The following ASMTL variants were observed in gnomAD, a reference collection of about 807,000 sequenced individuals.
The protein encoded by ASMTL is probable bifunctional dTTP/UTP pyrophosphatase/methyltransferase protein.
A neutral mutation model predicts 60.3 loss-of-function variants in ASMTL; 57 were observed. The ratio of observed to expected loss-of-function variants is 0.95; its 90% CI spans 0.76 to 1.18. ASMTL has a LOEUF of 1.18. ASMTL is among the 50% of genes most tolerant of loss of function. The probability of loss-of-function intolerance (pLI) is 0.00; values close to 1 mark genes in which losing one functional copy is unlikely to be tolerated. For missense variants in ASMTL, 981 were observed against 852.6 expected, an observed-to-expected ratio of 1.15 and a Z score of -1.88; for synonymous variants, 419 against 373.0, an observed-to-expected ratio of 1.12 and a Z score of -1.42.
Position 1,421,778 on chromosome X carries a change from G to A in ASMTL, c.1125C>T (p.Gly375=). ...TGAGGTCATTATTGTGCATGATGAA[G>A]CCGTGCAGAGAGTATTCGCCATCCG... ...LASDGEYSLH[G]FIMHNNDLTW... is the part of the protein sequence containing the mutation. Residue 375 remains glycine, a synonymous_variant, in exon 9 of 13, where the codon GGC becomes GGT. Transcript: ENST00000381317. 1.2e-6 allele frequency: 2 copies of A among 1,613,860 alleles called. No homozygotes were observed. The highest frequency in any genetic ancestry group is 1.7e-6 in the Non-Finnish European group (2 of 1,179,844).
chrX:1,438,357 G>C (rs2091025841), intron 3 of ASMTL, among the ~76,000 whole-genome samples: 1 of 152,070 alleles, frequency 6.6e-6, no homozygotes, highest in African/African-American at 2.4e-5. Context: ...TGGAGGCACA[G>C]ATAGGAACCA....
intron 9 of ASMTL, among the ~76,000 whole-genome samples, chrX:1,420,039 G>GGCTCTA (rs2090434388): frequency 1.6e-5 from 1 of 63,754 alleles, no homozygotes; most frequent in Non-Finnish European, 4.5e-5. Context: ...CTCTGTCTCT[G>GGCTCTA]TCTCTATGTC....
chrX:1,407,116 G>A (rs1270943072), intron 12 of ASMTL, among the ~76,000 whole-genome samples: 2 of 149,278 alleles, frequency 1.3e-5, no homozygotes, highest in Non-Finnish European at 3.0e-5. Context: ...TGGGTAGATG[G>A]ATGGATGGAT....
chrX:1,435,901 C>T lies in ASMTL; in HGVS notation c.274-143G>A, dbSNP rs369245394. On this transcript the variant is annotated intron_variant, in intron 3 of 12. Transcript: ENST00000381317. Reference sequence around the variant, plus strand: ...GAGAGTCGCCATTTCAAACAACTAACCAGAGTTGCCATGTTGTACCACCAC... The same window carrying T: ...GAGAGTCGCCATTTCAAACAACTAATCAGAGTTGCCATGTTGTACCACCAC... The T allele has an allele frequency of 7.6e-4, 551 of 729,532 alleles. 9 individuals are homozygous for T. In the South Asian group the frequency reaches 8.1e-3, roughly 11 times the overall value. The allele number at this position is 729,532 out of a possible 1,614,324, so 45.2% of individuals were successfully genotyped here. A position where few individuals can be genotyped will look rare whatever the true frequency, so the allele number is the denominator to read the frequency against.
At chrX:1,416,752 C>G (rs1167735897) in intron 11 of ASMTL, among the ~76,000 whole-genome samples, 1 of 128,798 alleles carries the variant, frequency 7.8e-6, no homozygotes, top group East Asian at 2.4e-4. Context: ...CAGTCATGCA[C>G]ACACAGACAC....
At chrX:1,427,152 G>T (rs1314953060) in intron 7 of ASMTL, among the ~76,000 whole-genome samples, 1 of 152,094 alleles carries the variant, frequency 6.6e-6, no homozygotes, top group Non-Finnish European at 1.5e-5. Context: ...AGAGGAGAAG[G>T]CCACGTGGAG....
At position 1,416,305 on chromosome X, in the gene ASMTL, A is replaced by T. The variant is rs1390337751; in HGVS notation, c.1522+1668T>A. Reference sequence around the variant, plus strand: ...CAGACAGGCACGCACACAGACGCAGACATGCACAGCTGGACACACACACAC... The same window carrying T: ...CAGACAGGCACGCACACAGACGCAGTCATGCACAGCTGGACACACACACAC... On this transcript the variant is annotated intron_variant, in intron 11 of 12. Transcript: ENST00000381317. Among the ~76,000 whole-genome samples, 28 of 146,386 alleles carry T rather than the reference A, an allele frequency of 1.9e-4. No homozygotes were observed. The Admixed American group carries it at 1.9e-3, about 10-fold the overall frequency.
chrX:1,442,906 A>T (rs5989736), intron 1 of ASMTL, among the ~76,000 whole-genome samples: 149,462 of 152,210 alleles, frequency 0.98, 73,437 homozygotes, highest in Middle Eastern at 1. Flanking sequence ...CCAGTGGGGG[A>T]GCCCCTGGCT....
intron 2 of ASMTL, 96 bp from the exon 3 acceptor site, chrX:1,439,240 G>T (rs1471028279): frequency 7.7e-7 from 1 of 1,303,816 alleles, no homozygotes; most frequent in Non-Finnish European, 1.1e-6. Context: ...CACCGCAGGG[G>T]CGAAGCCAGG....
intron 12 of ASMTL, among the ~76,000 whole-genome samples, chrX:1,407,109 GTAGA>G (rs1263106246): frequency 2.1e-5 from 3 of 145,212 alleles, no homozygotes; most frequent in South Asian, 4.4e-4. Context: ...TAGATGATGG[GTAGA>G]TGGATGGATG....
chrX:1,430,840 A>T (rs2090751128), intron 6 of ASMTL, among the ~76,000 whole-genome samples: 1 of 146,240 alleles, frequency 6.8e-6, no homozygotes, highest in Non-Finnish European at 1.5e-5. Flanking sequence ...ATGTATTTAT[A>T]TACATATATT....
intron 2 of ASMTL, chrX:1,441,978 C>T: frequency 1.7e-6 from 1 of 590,428 alleles, no homozygotes; most frequent in South Asian, 2.3e-5. Context: ...CACACAGTAA[C>T]AGATAAGCTC....
intron 11 of ASMTL, among the ~76,000 whole-genome samples, chrX:1,415,815 GAC>G (rs2090223947): frequency 6.6e-6 from 1 of 152,162 alleles, no homozygotes; most frequent in South Asian, 2.1e-4. Context: ...CCCGCAGAGA[GAC>G]ACGCACAGGC....
chrX:1,420,738 G>C (rs1311651100), intron 9 of ASMTL, among the ~76,000 whole-genome samples: 1 of 152,248 alleles, frequency 6.6e-6, no homozygotes, highest in Non-Finnish European at 1.5e-5. Flanking sequence ...GCAAGTGTCA[G>C]TTCCATTGAA....
chrX:1,412,877 T>TA, intron 11 of ASMTL, 23 bp from the exon 12 acceptor site: 4 of 1,612,822 alleles, frequency 2.5e-6, no homozygotes, highest in Non-Finnish European at 3.4e-6. Context: ...CAAAACGAGA[T>TA]ACGTCCGTCA....
chrX:1,442,818 C>A (rs765102063), intron 1 of ASMTL, among the ~76,000 whole-genome samples: 1 of 152,124 alleles, frequency 6.6e-6, no homozygotes, highest in Non-Finnish European at 1.5e-5. Flanking sequence ...GAGACAACAC[C>A]GCCCCTGGGG....
chrX:1,434,566 G>C (rs1603451454), intron 5 of ASMTL, among the ~76,000 whole-genome samples: 1 of 151,274 alleles, frequency 6.6e-6, no homozygotes, highest in Non-Finnish European at 1.5e-5. Flanking sequence ...CACTTTGGGA[G>C]GCTGAGGCGG....
intron 11 of ASMTL, among the ~76,000 whole-genome samples, chrX:1,415,407 CTGA>C (rs778724277): frequency 0.055 from 8,324 of 152,046 alleles, 790 homozygotes; most frequent in African/African-American, 0.19. Context: ...GCTACTTGCA[CTGA>C]TGATAACTTC....
chrX:1,407,110 T>TAGATGGATGGATGGATG (rs2089888421), intron 12 of ASMTL, among the ~76,000 whole-genome samples: 1 of 140,064 alleles, frequency 7.1e-6, no homozygotes, highest in African/African-American at 2.8e-5. Flanking sequence ...AGATGATGGG[T>TAGATGGATGGATGGATG]AGATGGATGG....
Sources: allele counts gnomAD v4.1 joint callset (sites outside exome capture counted in the v4.1 genomes callset), GRCh38; gene constraint gnomAD v4.1.1; transcripts MANE v1.5; gene names NCBI Gene and HGNC (gene_info 2026-07-23, HGNC 2026-07-21).